Variants in MED27 observed in about 807,000 individuals in gnomAD.
MED27 encodes the protein mediator complex subunit 27.
Under a neutral mutation model 38.2 loss-of-function variants are expected in MED27, and 30 were observed. The observed-to-expected ratio is 0.79, with a 90% CI of 0.59 to 1.07. MED27 has a LOEUF of 1.07. Among genes scored for constraint, MED27 ranks in the 50% least tolerant of loss-of-function variants. The pLI is 0.00. For missense variants in MED27, 289 were observed against 397.5 expected (o/e 0.73, Z 2.32); for synonymous variants, 122 against 153.5 (o/e 0.79, Z 1.52).
chr9:132,003,545 AG>A lies in MED27; in HGVS notation c.479+10791del, dbSNP rs1047312120. Among the ~76,000 whole-genome samples, 2 of 152,156 alleles carry A rather than the reference AG, an allele frequency of 1.3e-5. No homozygotes were observed. The highest frequency in any genetic ancestry group is 2.9e-5 in the Non-Finnish European group (2 of 68,014). On this transcript the variant is annotated intron_variant, in intron 3 of 7. Transcript: ENST00000292035. This position sits in a 1 kb window ranked among gnomAD's most constrained non-coding sequence, Gnocchi z 4.2. ...CTAGAGCAAGGCTAGACGGGGAGGC[AG>A]GGATAGGTGGGATGGGGTGGCAGGG...
At chr9:131,919,807 C>T (rs1409746199) in intron 4 of MED27, among the ~76,000 whole-genome samples, 3 of 130,158 alleles carry the variant, frequency 2.3e-5, no homozygotes, top group Admixed American at 7.9e-5. Flanking sequence ...CATAATTCTT[C>T]TTCCTTTTTT....
At chr9:131,967,195 T>C (rs1453673582) in intron 3 of MED27, among the ~76,000 whole-genome samples, 1 of 152,232 alleles carries the variant, frequency 6.6e-6, no homozygotes, top group Non-Finnish European at 1.5e-5. Flanking sequence ...GCCATAAGTT[T>C]ATTCAAAATA....
At chr9:132,052,737 A>C (rs560470324) in intron 2 of MED27, among the ~76,000 whole-genome samples, 4 of 120,136 alleles carry the variant, frequency 3.3e-5, no homozygotes, top group African/African-American at 1.3e-4. Context: ...CACATTATTT[A>C]GCTCCCACTT....
chr9:132,049,276 A>G (rs1833410468), intron 2 of MED27, among the ~76,000 whole-genome samples: 1 of 152,176 alleles, frequency 6.6e-6, no homozygotes, highest in African/African-American at 2.4e-5. Context: ...GGAGGGATGA[A>G]CTTGATATCA....
intron 5 of MED27, among the ~76,000 whole-genome samples, chr9:131,885,188 C>A (rs929674527): frequency 3.3e-5 from 5 of 152,208 alleles, no homozygotes; most frequent in African/African-American, 1.2e-4. Flanking sequence ...TCCACACACA[C>A]TCATGTAATC....
chr9:131,981,029 GCTTT>G (rs1454593259), intron 3 of MED27, among the ~76,000 whole-genome samples: 1 of 152,172 alleles, frequency 6.6e-6, no homozygotes, highest in Admixed American at 6.5e-5. Flanking sequence ...ATTCAGTATA[GCTTT>G]CTTTATCAAG....
At chr9:131,908,156 GC>G (rs1364090465) in intron 4 of MED27, among the ~76,000 whole-genome samples, 1 of 145,336 alleles carries the variant, frequency 6.9e-6, no homozygotes, top group Non-Finnish European at 1.5e-5. Context: ...TCGGCCAGCC[GC>G]CCCGTCCAGG....
intron 3 of MED27, among the ~76,000 whole-genome samples, chr9:131,968,910 A>G (rs1208591453): frequency 6.6e-6 from 1 of 152,128 alleles, no homozygotes; most frequent in African/African-American, 2.4e-5. Context: ...AGGAGTGTGA[A>G]CCTGATTGTG....
intron 3 of MED27, among the ~76,000 whole-genome samples, chr9:131,995,123 A>G (rs1440289276): frequency 6.6e-6 from 1 of 152,106 alleles, no homozygotes; most frequent in Non-Finnish European, 1.5e-5. Context: ...AAGGTCCTAG[A>G]AGGAAAAAGA....
chr9:132,016,503 T>C (rs1832605512), intron 2 of MED27, among the ~76,000 whole-genome samples: 2 of 152,304 alleles, frequency 1.3e-5, no homozygotes, highest in Non-Finnish European at 2.9e-5. Context: ...TTCCTACAGA[T>C]TTCTTAAATG....
chr9:132,036,640 T>C (rs1243236728), intron 2 of MED27, among the ~76,000 whole-genome samples: 1 of 152,198 alleles, frequency 6.6e-6, no homozygotes, highest in Non-Finnish European at 1.5e-5. Flanking sequence ...TAACCTCTCT[T>C]TATCTCAGTC....
chr9:132,029,154 G>A (rs978852442), intron 2 of MED27, among the ~76,000 whole-genome samples: 2 of 152,296 alleles, frequency 1.3e-5, no homozygotes, highest in African/African-American at 4.8e-5. Flanking sequence ...TGCATGTATT[G>A]TTGAAGAGTC....
rs150587628 is a variant in MED27 at position 131,904,696 on chromosome 9, G to T, written c.574-10704C>A. Among the ~76,000 whole-genome samples, 610 of 152,152 alleles carry T rather than the reference G, an allele frequency of 4.0e-3. 3 individuals are homozygous for T. Among genetic ancestry groups the T allele is most frequent in the African/African-American group, 0.014 (580 of 41,514 alleles). On this transcript the variant is annotated intron_variant, in intron 4 of 7. Coordinates refer to ENST00000292035, the MANE Select transcript of MED27 (RefSeq NM_004269.4). ...TTATGAGGTAGCTTATTCCACTCAC[G>T]AGTGAACTGGGGTCATTTGCTAAAG...
At chr9:132,052,048 A>G (rs983768781) in intron 2 of MED27, among the ~76,000 whole-genome samples, 2 of 152,212 alleles carry the variant, frequency 1.3e-5, no homozygotes, top group African/African-American at 2.4e-5. Context: ...CAGCCCAAGC[A>G]TGAGATTTCG....
intron 3 of MED27, among the ~76,000 whole-genome samples, 171 bp downstream of exon 3, chr9:132,014,166 G>A (rs1374867453): frequency 2.6e-5 from 4 of 152,058 alleles, no homozygotes; most frequent in East Asian, 3.9e-4. Flanking sequence ...GCAGTGAGCC[G>A]AGATCATGCC....
intron 4 of MED27, among the ~76,000 whole-genome samples, chr9:131,935,999 G>GGCAC (rs1454458622): frequency 6.6e-6 from 1 of 151,900 alleles, no homozygotes; most frequent in Non-Finnish European, 1.5e-5. Flanking sequence ...CAGGCATGGT[G>GGCAC]GCACACACCT....
In MED27 at chr9:131,889,868, C is replaced by T. The variant is rs984092271; in HGVS notation, c.681+4017G>A. ...CACACCCAGGGCCTCTGTGGCTGTG[C>T]TCCAGGAGACTGCAGCAAAACACCC... is the stretch of plus-strand genomic sequence containing the variant. On this transcript the variant is annotated intron_variant, in intron 5 of 7. Transcript: ENST00000292035. The surrounding 1 kb of genome is among the most constrained non-coding windows in gnomAD (Gnocchi z 4.2). Among the ~76,000 whole-genome samples the T allele has an allele frequency of 6.6e-6, 1 of 152,188 alleles. No homozygotes were observed. Among genetic ancestry groups the T allele is most frequent in the Non-Finnish European group, 1.5e-5 (1 of 68,038 alleles).
At chr9:132,001,882 G>T (rs1336892800) in intron 3 of MED27, among the ~76,000 whole-genome samples, 1 of 152,198 alleles carries the variant, frequency 6.6e-6, no homozygotes, top group Non-Finnish European at 1.5e-5. Flanking sequence ...CTGCATGCAG[G>T]AATCATCCTG....
chr9:131,976,432 C>T (rs1831609709), intron 3 of MED27, among the ~76,000 whole-genome samples: 1 of 152,138 alleles, frequency 6.6e-6, no homozygotes, highest in Non-Finnish European at 1.5e-5. Flanking sequence ...ACAATAAAAA[C>T]AGTCACTGGG....
Sources: allele counts gnomAD v4.1 joint callset (sites outside exome capture counted in the v4.1 genomes callset), GRCh38; gene constraint gnomAD v4.1.1; non-coding constraint Gnocchi (gnomAD v3.1); transcripts MANE v1.5; gene names NCBI Gene and HGNC (gene_info 2026-07-23, HGNC 2026-07-21).